Variants in HHIP observed in about 807,000 individuals in gnomAD.
The protein encoded by HHIP is hedgehog interacting protein.
Under a neutral mutation model 74.0 loss-of-function variants are expected in HHIP, and 12 were observed. The ratio of observed to expected loss-of-function variants is 0.16; its 90% CI spans 0.10 to 0.26. HHIP has a LOEUF of 0.26. HHIP is among the 10% of genes least tolerant of loss of function. The pLI is 1.00. For missense variants in HHIP, 788 were observed against 845.0 expected (o/e 0.93, Z 0.84); for synonymous variants, 309 against 311.6 (o/e 0.99, Z 0.09).
At position 144,658,778 on chromosome 4, in the gene HHIP, T is replaced by C; in HGVS notation, c.473-12T>C. On this transcript the variant is annotated splice_polypyrimidine_tract_variant and intron_variant, in intron 2 of 12. Coordinates refer to ENST00000296575, the MANE Select transcript of HHIP (RefSeq NM_022475.3). The stretch of plus-strand genomic sequence containing the variant: ...TAGGTGCTTCTAATGAGTCTTTTTA[T>C]ATTTTTTAAAGGTTTCCTTCAAACA... 1 of 1,606,240 alleles carries C rather than the reference T, an allele frequency of 6.2e-7. No individual in the cohort carries two copies. Among genetic ancestry groups the C allele is most frequent in the Non-Finnish European group, 8.5e-7 (1 of 1,175,988 alleles).
chr4:144,716,804 G>A (rs1440586492), intron 10 of HHIP, among the ~76,000 whole-genome samples: 16 of 119,288 alleles, frequency 1.3e-4, no homozygotes, highest in Admixed American at 3.5e-4. Context: ...AGCCAAGATC[G>A]CACCATTGCA....
intron 2 of HHIP, chr4:144,654,926 C>T (rs1321038230): frequency 3.3e-5 from 5 of 152,210 alleles, no homozygotes; most frequent in South Asian, 2.1e-4. Context: ...GAAGGTACCC[C>T]GAGGGATGTA....
chr4:144,663,401 C>T (rs575809058), intron 4 of HHIP, among the ~76,000 whole-genome samples: 1 of 152,310 alleles, frequency 6.6e-6, no homozygotes, highest in Admixed American at 6.5e-5. Context: ...CAATGTGTAG[C>T]CAATTTGAAA....
At chr4:144,704,436 T>A (rs1730073500) in intron 4 of HHIP, among the ~76,000 whole-genome samples, 1 of 152,208 alleles carries the variant, frequency 6.6e-6, no homozygotes, top group Non-Finnish European at 1.5e-5. Flanking sequence ...GCCCCCAAAG[T>A]CATTTATGTG....
At chr4:144,680,222 C>A (rs1349816725) in intron 4 of HHIP, among the ~76,000 whole-genome samples, 1 of 151,956 alleles carries the variant, frequency 6.6e-6, no homozygotes. Context: ...ATGCTTATGT[C>A]CTCACTGTGC....
chr4:144,721,681 A>G (rs554425842), intron 11 of HHIP, among the ~76,000 whole-genome samples: 12 of 151,950 alleles, frequency 7.9e-5, no homozygotes, highest in African/African-American at 2.9e-4. Flanking sequence ...TGGGTGGATC[A>G]CCTGAGGTCA....
chr4:144,653,622 G>A (rs1024823110), intron 2 of HHIP, among the ~76,000 whole-genome samples: 6 of 152,094 alleles, frequency 3.9e-5, no homozygotes, highest in Non-Finnish European at 7.4e-5. Context: ...GGGCAAAGTC[G>A]CACACAAATC....
intron 4 of HHIP, among the ~76,000 whole-genome samples, chr4:144,671,145 A>C (rs1386411242): frequency 6.6e-6 from 1 of 152,170 alleles, no homozygotes; most frequent in African/African-American, 2.4e-5. Flanking sequence ...GGAAGATCAG[A>C]TGACCCCATG....
intron 4 of HHIP, among the ~76,000 whole-genome samples, chr4:144,666,722 T>C (rs1728874669): frequency 6.6e-6 from 1 of 152,168 alleles, no homozygotes; most frequent in African/African-American, 2.4e-5. Flanking sequence ...TGATGGTTGG[T>C]GTCAGCATGC....
chr4:144,677,435 G>C (rs1729199737), intron 4 of HHIP, among the ~76,000 whole-genome samples: 1 of 152,072 alleles, frequency 6.6e-6, no homozygotes, highest in South Asian at 2.1e-4. Flanking sequence ...GGAGAATGAG[G>C]GCTGCTTTTC....
chr4:144,719,392 A>T (rs1730567108), intron 11 of HHIP, among the ~76,000 whole-genome samples: 1 of 152,230 alleles, frequency 6.6e-6, no homozygotes, highest in Non-Finnish European at 1.5e-5. Flanking sequence ...GCAGTTCAAC[A>T]TCTGAGCCTC....
intron 11 of HHIP, among the ~76,000 whole-genome samples, chr4:144,723,226 C>T (rs1730687085): frequency 6.6e-6 from 1 of 152,028 alleles, no homozygotes; most frequent in South Asian, 2.1e-4. Flanking sequence ...CAGACCATTC[C>T]CTTAATAAGT....
At position 144,702,693 on chromosome 4, in the gene HHIP, A is replaced by T. The variant is rs1730019389; in HGVS notation, c.832-3838A>T. The stretch of plus-strand genomic sequence containing the variant: ...TCAGTAAGTTGTTTTTTTTTTTTTA[A>T]AGCATTACCAAACTGAGGAAATCCT... On this transcript the variant is annotated intron_variant, in intron 4 of 12. Transcript: ENST00000296575. Among the ~76,000 whole-genome samples, 4 of 151,780 alleles carry T rather than the reference A, an allele frequency of 2.6e-5. No homozygotes were observed. The East Asian group carries it at 7.7e-4, about 29-fold the overall frequency.
chr4:144,709,591 A>AT (rs1730233412), intron 7 of HHIP, among the ~76,000 whole-genome samples: 1 of 152,220 alleles, frequency 6.6e-6, no homozygotes, highest in African/African-American at 2.4e-5. Context: ...AAAGTATTCT[A>AT]AGCAGAAGAC....
chr4:144,719,753 G>A (rs1165636886), intron 11 of HHIP, among the ~76,000 whole-genome samples: 12 of 152,154 alleles, frequency 7.9e-5, no homozygotes, highest in South Asian at 2.1e-4. Context: ...CACGACTGTT[G>A]TTGAGCACTA....
intron 4 of HHIP, among the ~76,000 whole-genome samples, chr4:144,704,365 C>A (rs1447427915): frequency 6.6e-6 from 1 of 152,082 alleles, no homozygotes; most frequent in Admixed American, 6.6e-5. Flanking sequence ...TGATTTATTT[C>A]TCTGTCATTC....
chr4:144,711,207 G>T (rs1032797063), intron 7 of HHIP, among the ~76,000 whole-genome samples: 2 of 152,182 alleles, frequency 1.3e-5, no homozygotes, highest in African/African-American at 2.4e-5. Context: ...ATGTTTTCCT[G>T]TGTTAGAGCA....
intron 4 of HHIP, among the ~76,000 whole-genome samples, chr4:144,666,308 A>G (rs565765984): frequency 4.5e-4 from 67 of 148,838 alleles, no homozygotes; most frequent in African/African-American, 1.6e-3. Context: ...GAGAACACTT[A>G]AGAAATCTAT....
At chr4:144,721,051 T>C (rs574962612) in intron 11 of HHIP, among the ~76,000 whole-genome samples, 1 of 152,314 alleles carries the variant, frequency 6.6e-6, no homozygotes, top group South Asian at 2.1e-4. Flanking sequence ...AGACACGTTT[T>C]GTTATACCAA....
Sources: gnomAD v4.1 joint callset for allele counts (sites outside exome capture counted in the v4.1 genomes callset) on GRCh38, gnomAD v4.1.1 for gene constraint, MANE v1.5 for transcripts, NCBI Gene and HGNC (gene_info 2026-07-23, HGNC 2026-07-21) for gene names.